Variants in TRIO observed in about 807,000 individuals in gnomAD.
TRIO encodes triple functional domain protein.
A neutral mutation model predicts 351.9 loss-of-function variants in TRIO; 58 were observed. The observed-to-expected ratio is 0.16, with a 90% CI of 0.13 to 0.21. The LOEUF (loss-of-function observed/expected upper bound fraction) is 0.21. Ranked by LOEUF, TRIO falls within the 10% of genes least tolerant of loss-of-function variation. The pLI, the probability that TRIO is intolerant of heterozygous loss-of-function variation, is 1.00. For missense variants in TRIO, 3,201 were observed against 4,027.8 expected, an observed-to-expected ratio of 0.79 and a Z score of 5.56; for synonymous variants, 1,758 against 1,595.7, an observed-to-expected ratio of 1.10 and a Z score of -2.42.
intron 33 of TRIO, among the ~76,000 whole-genome samples, chr5:14,413,092 T>C (rs1749339585): frequency 6.6e-6 from 1 of 152,262 alleles, no homozygotes; most frequent in Non-Finnish European, 1.5e-5. Flanking sequence ...CCGGCATTGC[T>C]GCTGTTGCAG....
At chr5:14,370,492 C>G (rs1366833492) in intron 18 of TRIO, among the ~76,000 whole-genome samples, 1 of 152,126 alleles carries the variant, frequency 6.6e-6, no homozygotes. Flanking sequence ...TCCTTACCTT[C>G]TCATTGCTTC....
intron 1 of TRIO, among the ~76,000 whole-genome samples, chr5:14,213,898 C>G (rs546256820): frequency 6.6e-6 from 1 of 152,278 alleles, no homozygotes; most frequent in Admixed American, 6.5e-5. Flanking sequence ...CAGTGAGGGA[C>G]GGGGCTGTTC....
chr5:14,269,268 AG>A (rs1795857309), intron 1 of TRIO, among the ~76,000 whole-genome samples: 1 of 152,242 alleles, frequency 6.6e-6, no homozygotes, highest in Non-Finnish European at 1.5e-5. Flanking sequence ...TATGGACAGG[AG>A]CGATTTACAT....
At chr5:14,345,262 A>G (rs996558574) in intron 11 of TRIO, among the ~76,000 whole-genome samples, 3 of 152,228 alleles carry the variant, frequency 2.0e-5, no homozygotes, top group Admixed American at 2.0e-4. Flanking sequence ...TATACCTGAC[A>G]CATCATAGTC....
chr5:14,367,230 G>C lies in TRIO; in HGVS notation c.2874+251G>C, dbSNP rs367848532. Among the ~76,000 whole-genome samples the C allele has an allele frequency of 1.3e-3, 195 of 152,274 alleles. 2 individuals are homozygous for C. The highest frequency in any genetic ancestry group is 4.6e-3 in the African/African-American group (190 of 41,574). On this transcript the variant is annotated intron_variant, in intron 16 of 56. Transcript: ENST00000344204. ...TCACTGCAAGGATCCCAAAGGTCTC[G>C]GAGGCCAGGGGGTTCCTGTTGTTCT...
chr5:14,225,668 C>T (rs1200893136), intron 1 of TRIO, among the ~76,000 whole-genome samples: 1 of 152,138 alleles, frequency 6.6e-6, no homozygotes, highest in Non-Finnish European at 1.5e-5. Flanking sequence ...GACACTGCAC[C>T]TGCTTTTAAA....
intron 1 of TRIO, among the ~76,000 whole-genome samples, chr5:14,180,719 A>G (rs73055570): frequency 0.038 from 5,831 of 152,142 alleles, 397 homozygotes; most frequent in African/African-American, 0.13. Flanking sequence ...AGTCCTAGCT[A>G]CTCAGGAGGC....
At chr5:14,172,776 A>T (rs987917832) in intron 1 of TRIO, among the ~76,000 whole-genome samples, 1 of 152,234 alleles carries the variant, frequency 6.6e-6, no homozygotes, top group Non-Finnish European at 1.5e-5. Flanking sequence ...TTTACGGAAC[A>T]TATTTTTTGG....
At chr5:14,287,445 A>G (rs991260245) in intron 4 of TRIO, among the ~76,000 whole-genome samples, 1 of 152,230 alleles carries the variant, frequency 6.6e-6, no homozygotes, top group Non-Finnish European at 1.5e-5. Context: ...AGGGAATGTT[A>G]GGGAGAAATG....
In TRIO at chr5:14,316,408, G is replaced by A. The variant is rs547818463; in HGVS notation, c.1501-105G>A. 7.6e-5 allele frequency: 83 copies of A among 1,095,872 alleles called. No individual in the cohort carries two copies. In the African/African-American group the frequency reaches 9.9e-4, roughly 13 times the overall value. The allele number at this position is 1,095,872 out of a possible 1,614,324, so 67.9% of individuals were successfully genotyped here. ...ATGTGTGTAATGTGTGTACATGTAC[G>A]TGTGTGCCTGTATGTGCACACACAT... On this transcript the variant is annotated intron_variant, in intron 8 of 56. Transcript: ENST00000344204.
chr5:14,336,811 G>A (rs1285407213), intron 11 of TRIO, 84 bp downstream of exon 11: 1 of 1,457,292 alleles, frequency 6.9e-7, no homozygotes. Flanking sequence ...TAGTCATAAT[G>A]TGAGAAAGTG....
At chr5:14,506,436 A>G (rs1267933494) in intron 55 of TRIO, among the ~76,000 whole-genome samples, 1 of 152,172 alleles carries the variant, frequency 6.6e-6, no homozygotes, top group African/African-American at 2.4e-5. Context: ...CCTCAGTCCA[A>G]TCCTGGCTTC....
At chr5:14,467,191 G>C in intron 37 of TRIO, among the ~76,000 whole-genome samples, 1 of 152,132 alleles carries the variant, frequency 6.6e-6, no homozygotes, top group East Asian at 1.9e-4. Context: ...GATTATATTT[G>C]TCAGGTGAAT....
chr5:14,503,467 G>T (rs1370726133), intron 54 of TRIO, among the ~76,000 whole-genome samples: 1 of 152,250 alleles, frequency 6.6e-6, no homozygotes, highest in Non-Finnish European at 1.5e-5. Context: ...CCATTATTCT[G>T]TTGGCCTCTC....
At chr5:14,319,514 A>T (rs1035469266) in intron 9 of TRIO, among the ~76,000 whole-genome samples, 14 of 152,252 alleles carry the variant, frequency 9.2e-5, no homozygotes, top group African/African-American at 3.4e-4. Flanking sequence ...GTAGTACTTT[A>T]GAAGGACGTT....
chr5:14,338,161 T>C (rs546692216), intron 11 of TRIO, among the ~76,000 whole-genome samples: 2 of 152,340 alleles, frequency 1.3e-5, no homozygotes, highest in African/African-American at 4.8e-5. Context: ...CAGCCTCTGC[T>C]AGCTCTTTGT....
intron 7 of TRIO, among the ~76,000 whole-genome samples, chr5:14,301,183 A>G (rs1045975989): frequency 3.3e-5 from 5 of 152,208 alleles, no homozygotes; most frequent in Non-Finnish European, 5.9e-5. Flanking sequence ...AAAGCTATGT[A>G]TATGAATCAC....
intron 1 of TRIO, among the ~76,000 whole-genome samples, chr5:14,235,683 G>A (rs1793720583): frequency 6.6e-6 from 1 of 152,098 alleles, no homozygotes; most frequent in Non-Finnish European, 1.5e-5. Context: ...AGACAGATGA[G>A]ATCTAGGGTG....
intron 4 of TRIO, among the ~76,000 whole-genome samples, chr5:14,288,666 CA>C (rs5866094): frequency 0.46 from 66,780 of 144,744 alleles, 16,493 homozygotes; most frequent in East Asian, 0.58. Flanking sequence ...GATTCCGCCT[CA>C]AAAAAAAAAA....
Sources: allele counts gnomAD v4.1 joint callset (sites outside exome capture counted in the v4.1 genomes callset), GRCh38; gene constraint gnomAD v4.1.1; transcripts MANE v1.5; gene names NCBI Gene and HGNC (gene_info 2026-07-23, HGNC 2026-07-21).